UXS1: variants seen among roughly 807,000 people sequenced by gnomAD.
UXS1 encodes UDP-glucuronate decarboxylase 1.
A neutral mutation model predicts 62.6 loss-of-function variants in UXS1; 33 were observed. That is an observed-to-expected ratio of 0.53 (90% CI 0.40 to 0.70). The LOEUF (loss-of-function observed/expected upper bound fraction) is 0.70. Ranked by LOEUF, UXS1 falls within the 30% of genes least tolerant of loss-of-function variation. The pLI is 0.00. For missense variants in UXS1, 434 were observed against 556.3 expected (o/e 0.78, Z 2.21); for synonymous variants, 213 against 206.8 (o/e 1.03, Z -0.26).
chr2:106,157,831 G>C (rs1239646595), intron 5 of UXS1, among the ~76,000 whole-genome samples: 1 of 152,160 alleles, frequency 6.6e-6, no homozygotes, highest in Non-Finnish European at 1.5e-5. Flanking sequence ...TCCCAGAGCT[G>C]GCGGGAGGGG....
At chr2:106,145,655 TGAGA>T (rs908194916) in intron 5 of UXS1, among the ~76,000 whole-genome samples, 10 of 152,194 alleles carry the variant, frequency 6.6e-5, no homozygotes, top group African/African-American at 2.2e-4. Context: ...CTTTGCTGAC[TGAGA>T]ATTTCCCATT....
intron 8 of UXS1, among the ~76,000 whole-genome samples, chr2:106,124,774 T>G (rs968024901): frequency 6.6e-6 from 1 of 152,178 alleles, no homozygotes; most frequent in African/African-American, 2.4e-5. Flanking sequence ...AAGTAGACAA[T>G]GAACTACCTT....
At chr2:106,097,606 G>A (rs1573386065) in intron 13 of UXS1, 1 of 232,156 alleles carries the variant, frequency 4.3e-6, no homozygotes, top group East Asian at 8.8e-5. Context: ...CAGCACGCAC[G>A]GATCACCTGA....
At chr2:106,145,654 CTG>C (rs773050170) in intron 5 of UXS1, among the ~76,000 whole-genome samples, 15 of 152,268 alleles carry the variant, frequency 9.9e-5, no homozygotes, top group South Asian at 8.3e-4. Flanking sequence ...TCTTTGCTGA[CTG>C]AGAATTTCCC....
chr2:106,184,879 C>T (rs1041165238), intron 1 of UXS1, among the ~76,000 whole-genome samples: 4 of 152,174 alleles, frequency 2.6e-5, no homozygotes, highest in African/African-American at 9.7e-5. Flanking sequence ...AGGAGACATG[C>T]ACACCACAAA....
intron 11 of UXS1, 42 bp from the exon 12 acceptor site, chr2:106,101,160 A>G: frequency 6.2e-7 from 1 of 1,611,008 alleles, no homozygotes; most frequent in Non-Finnish European, 8.5e-7. Context: ...GCCTGCTGGA[A>G]TATGCTAGTG....
intron 10 of UXS1, among the ~76,000 whole-genome samples, chr2:106,108,950 TATCTGATCACCCTCGAC>T (rs141157349): frequency 0.023 from 3,521 of 151,664 alleles, 78 homozygotes; most frequent in East Asian, 0.11. Context: ...TTACCCTCGA[TATCTGATCACCCTCGAC>T]ATCTGACATT....
intron 1 of UXS1, among the ~76,000 whole-genome samples, chr2:106,175,728 G>C (rs1410473898): frequency 1.3e-5 from 2 of 152,172 alleles, no homozygotes; most frequent in African/African-American, 4.8e-5. Context: ...TCAAGGTCCA[G>C]ACCTGCCAGT....
At chr2:106,139,966 CCT>C (rs1335836650) in intron 6 of UXS1, among the ~76,000 whole-genome samples, 1 of 152,166 alleles carries the variant, frequency 6.6e-6, no homozygotes, top group Non-Finnish European at 1.5e-5. Context: ...ACGAGATGTC[CCT>C]CTCTGCAATG....
chr2:106,101,166 T>C, intron 11 of UXS1, 48 bp from the exon 12 acceptor site: 1 of 1,607,178 alleles, frequency 6.2e-7, no homozygotes, highest in Non-Finnish European at 8.5e-7. Flanking sequence ...TGGAATATGC[T>C]AGTGCCACGC....
At chr2:106,154,210 G>C (rs755656982) in intron 5 of UXS1, among the ~76,000 whole-genome samples, 3 of 152,152 alleles carry the variant, frequency 2.0e-5, no homozygotes, top group Non-Finnish European at 4.4e-5. Context: ...TATTCAAGAA[G>C]TTCAATGAAC....
chr2:106,124,878 T>C (rs534063475), intron 8 of UXS1, among the ~76,000 whole-genome samples: 1 of 152,330 alleles, frequency 6.6e-6, no homozygotes, highest in South Asian at 2.1e-4. Context: ...AAAAAAAGTC[T>C]CTTCTGATTT....
chr2:106,101,197 G>GA, intron 11 of UXS1, 79 bp from the exon 12 acceptor site: 35 of 1,456,112 alleles, frequency 2.4e-5, no homozygotes, highest in South Asian at 6.8e-5. Flanking sequence ...AGCCCTCCCA[G>GA]AAGAAAAATT....
intron 5 of UXS1, among the ~76,000 whole-genome samples, chr2:106,148,939 T>C (rs954390740): frequency 1.3e-5 from 2 of 152,248 alleles, no homozygotes; most frequent in African/African-American, 4.8e-5. Flanking sequence ...GTGTGCTTTC[T>C]TGCTCGCTCT....
intron 9 of UXS1, among the ~76,000 whole-genome samples, chr2:106,118,582 T>C (rs535894820): frequency 7.2e-4 from 110 of 152,286 alleles, no homozygotes; most frequent in African/African-American, 1.9e-3. Flanking sequence ...GTTCTAACTA[T>C]TCGGGAAAGG....
At chr2:106,158,347 T>C (rs1436747181) in intron 4 of UXS1, among the ~76,000 whole-genome samples, 1 of 152,188 alleles carries the variant, frequency 6.6e-6, no homozygotes, top group Non-Finnish European at 1.5e-5. Context: ...CTTGAGATTC[T>C]ATCTCTGAGA....
At chr2:106,192,980 C>T (rs1468786543) in intron 1 of UXS1, among the ~76,000 whole-genome samples, 1 of 152,264 alleles carries the variant, frequency 6.6e-6, no homozygotes, top group African/African-American at 2.4e-5. Flanking sequence ...AGATTGACCA[C>T]ACACACACTT....
chr2:106,153,870 G>C (rs1280494388), intron 5 of UXS1, among the ~76,000 whole-genome samples: 1 of 152,184 alleles, frequency 6.6e-6, no homozygotes, highest in Non-Finnish European at 1.5e-5. Flanking sequence ...GAAGTACATA[G>C]ATAATAAAGA....
intron 4 of UXS1, chr2:106,160,322 G>T (rs1279420605): frequency 5.9e-5 from 9 of 152,216 alleles, no homozygotes; most frequent in Admixed American, 5.9e-4. Flanking sequence ...CCAGTGCCGT[G>T]GCACAGCTGA....
Sources: allele counts gnomAD v4.1 joint callset (sites outside exome capture counted in the v4.1 genomes callset), GRCh38; gene constraint gnomAD v4.1.1; transcripts MANE v1.5; gene names NCBI Gene and HGNC (gene_info 2026-07-23, HGNC 2026-07-21).